Variants in PHF20L1 observed in about 807,000 individuals in gnomAD.
The protein encoded by PHF20L1 is PHD finger protein 20 like 1, also known as PHD finger protein 20-like protein 1.
In PHF20L1, 44 loss-of-function variants were observed where a neutral mutation model predicts 125.5. The observed-to-expected ratio is 0.35, with a 90% CI of 0.28 to 0.45. The LOEUF (loss-of-function observed/expected upper bound fraction) is 0.45. Ranked by LOEUF, PHF20L1 falls within the 20% of genes least tolerant of loss-of-function variation. The pLI is 1.00. For missense variants in PHF20L1, 1,012 were observed against 1,217.2 expected, an observed-to-expected ratio of 0.83 and a Z score of 2.51; for synonymous variants, 380 against 403.1, an observed-to-expected ratio of 0.94 and a Z score of 0.69.
At chr8:132,827,084 G>A (rs1018157277) in intron 14 of PHF20L1, among the ~76,000 whole-genome samples, 4 of 151,168 alleles carry the variant, frequency 2.6e-5, no homozygotes, top group African/African-American at 7.4e-5. Flanking sequence ...AGCTTGAAAC[G>A]GCTTTCCAGA....
Position 132,845,568 on chromosome 8 carries a change from A to C in PHF20L1, c.2912-213A>C, listed in dbSNP as rs528295287. On this transcript the variant is annotated intron_variant, in intron 20 of 20. Transcript: ENST00000395386. ...TATATATAAAGGGGAAAATTATCTT[A>C]AATGACAGATAAAAATTGCCAAGAG... Among the ~76,000 whole-genome samples, 25 of 152,174 alleles carry C rather than the reference A, an allele frequency of 1.6e-4. No homozygotes were observed. The Middle Eastern group carries it at 0.014, about 83-fold the overall frequency.
chr8:132,783,893 C>A (rs1830714513), intron 2 of PHF20L1, among the ~76,000 whole-genome samples: 1 of 152,100 alleles, frequency 6.6e-6, no homozygotes, highest in African/African-American at 2.4e-5. Context: ...GCAGACAATT[C>A]ATTTGAAATC....
chr8:132,835,157 T>C (rs1837209907), intron 15 of PHF20L1, among the ~76,000 whole-genome samples: 3 of 152,052 alleles, frequency 2.0e-5, no homozygotes, highest in Admixed American at 2.0e-4. Flanking sequence ...CATTCTGGAG[T>C]GGCTATATTA....
chr8:132,804,815 G>C lies in PHF20L1; in HGVS notation c.847+75G>C, dbSNP rs1386266804. On this transcript the variant is annotated intron_variant, in intron 8 of 20. Transcript: ENST00000395386. ...TTTAGAGTAATTTATTTTTAATGAAGTAAAATGGTTTTGATTTAGTGTCAT... is the reference window on the plus strand; with the variant it reads ...TTTAGAGTAATTTATTTTTAATGAACTAAAATGGTTTTGATTTAGTGTCAT... 8.3e-6 allele frequency: 11 copies of C among 1,321,392 alleles called. No homozygotes were observed. The East Asian group carries it at 2.3e-4, about 28-fold the overall frequency. 81.9% of individuals were successfully genotyped at this position (1,321,392 alleles called of 1,614,324 possible). A position where few individuals can be genotyped will look rare whatever the true frequency, so the allele number is the denominator to read the frequency against.
At chr8:132,776,321 T>A (rs1829755618) in intron 1 of PHF20L1, among the ~76,000 whole-genome samples, 1 of 152,204 alleles carries the variant, frequency 6.6e-6, no homozygotes, top group South Asian at 2.1e-4. Context: ...ATTCTAGATG[T>A]TAGTGTACCT....
chr8:132,778,005 A>G lies in PHF20L1; in HGVS notation c.83+94A>G, dbSNP rs1830018934. ...AGTAAATTCCACTGATGGTAGCAGAAACATCAGTGTATTCACATTTCGATT... is the reference window on the plus strand; with the variant it reads ...AGTAAATTCCACTGATGGTAGCAGAGACATCAGTGTATTCACATTTCGATT... On this transcript the variant is annotated intron_variant, in intron 2 of 20. Transcript: ENST00000395386. The G allele has an allele frequency of 9.0e-6, 7 of 776,858 alleles. No individual in the cohort carries two copies. The Admixed American group carries it at 1.4e-4, about 16-fold the overall frequency. The allele number at this position is 776,858 out of a possible 1,614,324, so 48.1% of individuals were successfully genotyped here. A position where few individuals can be genotyped will look rare whatever the true frequency, so the allele number is the denominator to read the frequency against.
rs975643503 is a variant in PHF20L1, at chr8:132,847,522, A to G, written c.*1599A>G. On this transcript the variant is annotated 3_prime_UTR_variant, in exon 21 of 21. Transcript: ENST00000395386. Reference sequence around the variant, plus strand: ...ATTCAGATATTATTTAAATTTGCAAACACATTGTTCTATATGTAAGGGTAC... The same window carrying G: ...ATTCAGATATTATTTAAATTTGCAAGCACATTGTTCTATATGTAAGGGTAC... The G allele has an allele frequency of 4.6e-5, 7 of 152,712 alleles. No homozygotes were observed. The highest frequency in any genetic ancestry group is 1.3e-4 in the Admixed American group (2 of 15,272). The allele number at this position is 152,712 out of a possible 1,614,324, so 9.5% of individuals were successfully genotyped here. A position where few individuals can be genotyped will look rare whatever the true frequency, so the allele number is the denominator to read the frequency against.
intron 2 of PHF20L1, among the ~76,000 whole-genome samples, chr8:132,780,667 G>A (rs1830320051): frequency 6.6e-6 from 1 of 152,090 alleles, no homozygotes; most frequent in Non-Finnish European, 1.5e-5. Context: ...GCATTGGATA[G>A]GGAGGAGCAG....
chr8:132,799,096 T>A lies in PHF20L1; in HGVS notation c.431T>A (p.Val144Glu). The A allele has an allele frequency of 6.2e-7, 1 of 1,608,852 alleles. No homozygotes were observed. The highest frequency in any genetic ancestry group is 2.2e-5 in the East Asian group (1 of 44,794). ...KAMPEDAKGQ[V>E]KSQHPLSWCC... is the part of the protein sequence containing the mutation. ...ATAGGTCACTAGTTTCTGTTCCAGG[T>A]GAAATCCCAGCATCCACTAAGCTGG... is the stretch of plus-strand genomic sequence containing the variant. The change falls in exon 6 of 21, where the codon GTG (valine) becomes GAG (glutamate). Residue 144 changes from valine to glutamate, a missense_variant and splice_region_variant. Val to Glu is a moderately radical substitution (Grantham distance 121, BLOSUM62 -2). Coordinates refer to ENST00000395386, the MANE Select transcript of PHF20L1 (RefSeq NM_016018.5).
Position 132,832,405 on chromosome 8 carries a change from T to G in PHF20L1, c.1909+6T>G. The G allele has an allele frequency of 6.3e-7, 1 of 1,598,312 alleles. No homozygotes were observed. Among genetic ancestry groups the G allele is most frequent in the South Asian group, 1.1e-5 (1 of 90,522 alleles). On this transcript the variant is annotated splice_donor_region_variant and intron_variant, in intron 15 of 20. Transcript: ENST00000395386. ...CGTTGATCTTAGTGGTGAAAGTATG[T>G]GTAACCATGTGATGGTTAAAACAAG...
chr8:132,791,508 C>T (rs548668964), intron 2 of PHF20L1, among the ~76,000 whole-genome samples: 6 of 152,228 alleles, frequency 3.9e-5, no homozygotes, highest in African/African-American at 1.4e-4. Context: ...CCACCTCGGC[C>T]TCCCAAAGTG....
At chr8:132,842,416 A>G in intron 18 of PHF20L1, 99 bp from the exon 19 acceptor site, 1 of 1,069,648 alleles carries the variant, frequency 9.3e-7, no homozygotes, top group Admixed American at 2.8e-5. Flanking sequence ...TGAGTCCTAG[A>G]TGTCCTCCTA....
intron 9 of PHF20L1, chr8:132,811,752 T>C: frequency 4.1e-6 from 4 of 984,916 alleles, no homozygotes; most frequent in Non-Finnish European, 4.8e-6. Context: ...CTGTGCATGC[T>C]TTTACATTCT....
Position 132,775,571 on chromosome 8 carries a change from C to G in PHF20L1, c.-112C>G, listed in dbSNP as rs971028838. ...CTGGGCGGAGGCAGAGGCAGAGGCC[C>G]GGGCTGGCCGCCCTGCTCGTGCCCC... On this transcript the variant is annotated 5_prime_UTR_variant, in exon 1 of 21. Coordinates refer to ENST00000395386, the MANE Select transcript of PHF20L1 (RefSeq NM_016018.5). The G allele has an allele frequency of 1.1e-5, 4 of 355,810 alleles. No homozygotes were observed. The highest frequency in any genetic ancestry group is 8.6e-5 in the African/African-American group (4 of 46,778). The allele number at this position is 355,810 out of a possible 1,614,324, so 22.0% of individuals were successfully genotyped here.
chr8:132,830,840 G>T (rs1368131468), intron 14 of PHF20L1, among the ~76,000 whole-genome samples: 1 of 151,946 alleles, frequency 6.6e-6, no homozygotes, highest in African/African-American at 2.4e-5. Context: ...CTAAACTTCT[G>T]TTTCTTCTCT....
rs139486340 is a variant in PHF20L1 at position 132,811,952 on chromosome 8, C to G, written c.930+824C>G. The G allele has an allele frequency of 6.4e-5, 63 of 979,076 alleles. No individual in the cohort carries two copies. The African/African-American group carries it at 9.4e-4, about 15-fold the overall frequency. 60.6% of individuals were successfully genotyped at this position (979,076 alleles called of 1,614,324 possible). ...AGTATCTTTTGCTCTCCTCTAGATG[C>G]GTTTTAAAAACTATTCCAAATTTAA... is the stretch of plus-strand genomic sequence containing the variant. On this transcript the variant is annotated intron_variant, in intron 9 of 20. Transcript: ENST00000395386.
In PHF20L1 at chr8:132,811,284, A is replaced by G. The variant is rs1242372702; in HGVS notation, c.930+156A>G. ...TTTTTAACTCTGCCTTCTCCAAGGT[A>G]TACAGATAACTACAGACTTCATTAG... On this transcript the variant is annotated intron_variant, in intron 9 of 20. Transcript: ENST00000395386. 20 of 1,405,856 alleles carry G rather than the reference A, an allele frequency of 1.4e-5. No individual in the cohort carries two copies. In the East Asian group the frequency reaches 5.4e-4, roughly 38 times the overall value. The allele number at this position is 1,405,856 out of a possible 1,614,324, so 87.1% of individuals were successfully genotyped here.
Position 132,836,873 on chromosome 8 carries a change from G to C in PHF20L1, c.2091+152G>C, listed in dbSNP as rs79043037. The C allele has an allele frequency of 1.0e-4, 63 of 615,074 alleles. No individual in the cohort carries two copies. In the African/African-American group the frequency reaches 1.1e-3, roughly 11 times the overall value. The allele number at this position is 615,074 out of a possible 1,614,324, so 38.1% of individuals were successfully genotyped here. On this transcript the variant is annotated intron_variant, in intron 16 of 20. Coordinates refer to ENST00000395386, the MANE Select transcript of PHF20L1 (RefSeq NM_016018.5). The stretch of plus-strand genomic sequence containing the variant: ...AAAATACCCATAGTAATGATTAGGA[G>C]ATTTCCTCATTAAGTAAAGTAGACA...
At position 132,804,022 on chromosome 8, in the gene PHF20L1, T is replaced by C. The variant is rs759113680; in HGVS notation, c.711T>C (p.Ser237=). ...AGAAGGAAGATCTGCCTACATCTAG[T>C]GAAACATTTGGTACAAAATACATTC... ...VEKKEDLPTS[S]ETFGLHVENV... Residue 237 remains serine, a synonymous_variant, in exon 7 of 21, where the codon AGT becomes AGC. Coordinates refer to ENST00000395386, the MANE Select transcript of PHF20L1 (RefSeq NM_016018.5). 4 of 1,602,528 alleles carry C rather than the reference T, an allele frequency of 2.5e-6. No homozygotes were observed. The Middle Eastern group carries it at 6.6e-4, about 266-fold the overall frequency.
Sources: allele counts gnomAD v4.1 joint callset (sites outside exome capture counted in the v4.1 genomes callset), GRCh38; gene constraint gnomAD v4.1.1; transcripts MANE v1.5; gene names NCBI Gene and HGNC (gene_info 2026-07-23, HGNC 2026-07-21).